Variants in METTL9 observed in about 807,000 individuals in gnomAD.
The protein encoded by METTL9 is protein-L-histidine N-pros-methyltransferase.
Under a neutral mutation model 36.0 loss-of-function variants are expected in METTL9, and 10 were observed. The ratio of observed to expected loss-of-function variants is 0.28; its 90% CI spans 0.17 to 0.47. The LOEUF is 0.47. Among genes scored for constraint, METTL9 ranks in the 20% least tolerant of loss-of-function variants. The pLI, the probability that METTL9 is intolerant of heterozygous loss-of-function variation, is 0.99. For missense variants in METTL9, 246 were observed against 383.5 expected, an observed-to-expected ratio of 0.64 and a Z score of 3.00; for synonymous variants, 175 against 149.7, an observed-to-expected ratio of 1.17 and a Z score of -1.23.
At chr16:21,642,386 G>A (rs897676116) in intron 4 of METTL9, 13 of 152,228 alleles carry the variant, frequency 8.5e-5, no homozygotes, top group African/African-American at 3.1e-4. Flanking sequence ...AATTTGTGAA[G>A]CATTCCATAA....
intron 4 of METTL9, chr16:21,644,484 T>A (rs1424242081): frequency 1.1e-6 from 1 of 917,340 alleles, no homozygotes; most frequent in Non-Finnish European, 1.7e-6. Flanking sequence ...CACTGCGTTT[T>A]AGAGGTGAAA....
At chr16:21,623,605 C>T (rs1303365795) in intron 3 of METTL9, among the ~76,000 whole-genome samples, 1 of 152,078 alleles carries the variant, frequency 6.6e-6, no homozygotes, top group African/African-American at 2.4e-5. Context: ...ATAAAAACTC[C>T]CCCTTTCTAG....
intron 4 of METTL9, among the ~76,000 whole-genome samples, chr16:21,631,627 G>A (rs1053958156): frequency 6.6e-6 from 1 of 152,152 alleles, no homozygotes. Context: ...TGTCCTGAAG[G>A]GAGTTCCTCC....
intron 4 of METTL9, among the ~76,000 whole-genome samples, chr16:21,632,137 C>A (rs1421610192): frequency 6.6e-6 from 1 of 152,182 alleles, no homozygotes; most frequent in Admixed American, 6.5e-5. Context: ...TGGGTTTTTG[C>A]ACTGCATGCA....
At chr16:21,650,823 A>T (rs1966554415) in intron 4 of METTL9, among the ~76,000 whole-genome samples, 1 of 152,208 alleles carries the variant, frequency 6.6e-6, no homozygotes, top group South Asian at 2.1e-4. Flanking sequence ...TTCTTTTAAG[A>T]ATCCTCATAT....
At position 21,652,578 on chromosome 16, in the gene METTL9, G is replaced by T. The variant is rs1208595858; in HGVS notation, c.752-2649G>T. On this transcript the variant is annotated intron_variant, in intron 4 of 4. Coordinates refer to ENST00000358154, the MANE Select transcript of METTL9 (RefSeq NM_016025.5). ...TGGTTTGCAGATGGCGAGCGATGTT[G>T]CTTCTGCTCGCAGTCCCCATTTCTG... is the stretch of plus-strand genomic sequence containing the variant. 1 of 1,610,566 alleles carries T rather than the reference G, an allele frequency of 6.2e-7. No homozygotes were observed. The highest frequency in any genetic ancestry group is 8.5e-7 in the Non-Finnish European group (1 of 1,178,352).
chr16:21,637,313 C>T (rs1042974881), intron 4 of METTL9, among the ~76,000 whole-genome samples: 2 of 152,050 alleles, frequency 1.3e-5, no homozygotes, highest in African/African-American at 2.4e-5. Flanking sequence ...CTGATTGGTG[C>T]GTTTAGAATC....
At chr16:21,634,088 T>G (rs1010943046) in intron 4 of METTL9, among the ~76,000 whole-genome samples, 21 of 152,162 alleles carry the variant, frequency 1.4e-4, no homozygotes, top group Non-Finnish European at 2.9e-5. Flanking sequence ...GAGCAAAGTT[T>G]CCAATTACAA....
intron 4 of METTL9, among the ~76,000 whole-genome samples, chr16:21,639,075 ACAAAATAAGAAACTCTTCC>A (rs1297758722): frequency 1.3e-5 from 2 of 152,224 alleles, no homozygotes; most frequent in South Asian, 4.1e-4. Context: ...TGTAGCTTTA[ACAAAATAAGAAACTCTTCC>A]CAAATAAAAC....
At chr16:21,613,541 C>T (rs971176164) in intron 2 of METTL9, among the ~76,000 whole-genome samples, 1 of 152,060 alleles carries the variant, frequency 6.6e-6, no homozygotes, top group South Asian at 2.1e-4. Context: ...TGGTTCTGGA[C>T]CACAAAGTAG....
chr16:21,600,132 G>C (rs1234698430), intron 1 of METTL9, among the ~76,000 whole-genome samples: 8 of 152,128 alleles, frequency 5.3e-5, no homozygotes, highest in Non-Finnish European at 1.0e-4. Flanking sequence ...GGCGGGGCAT[G>C]GCCTCCCGGG....
chr16:21,651,461 C>T (rs1350839161), intron 4 of METTL9, among the ~76,000 whole-genome samples: 1 of 151,852 alleles, frequency 6.6e-6, no homozygotes, highest in Non-Finnish European at 1.5e-5. Flanking sequence ...GCCATCACGC[C>T]CAGCTATTTT....
intron 4 of METTL9, among the ~76,000 whole-genome samples, chr16:21,648,462 G>A (rs1195985617): frequency 1.3e-5 from 2 of 152,210 alleles, no homozygotes; most frequent in Non-Finnish European, 2.9e-5. Flanking sequence ...CACTGCTACT[G>A]TTCCCACAGT....
chr16:21,650,469 C>T (rs577585986), intron 4 of METTL9, among the ~76,000 whole-genome samples: 95 of 143,614 alleles, frequency 6.6e-4, no homozygotes, highest in African/African-American at 2.1e-3. Context: ...GATTGTGCCA[C>T]TGCACTCTAG....
rs568303948 is a variant in METTL9 at position 21,656,249 on chromosome 16, A to C, written c.*817A>C. The C allele has an allele frequency of 7.2e-6, 1 of 138,850 alleles. No homozygotes were observed. The highest frequency in any genetic ancestry group is 2.2e-4 in the South Asian group (1 of 4,574). The allele number at this position is 138,850 out of a possible 1,614,324, so 8.6% of individuals were successfully genotyped here. A position where few individuals can be genotyped will look rare whatever the true frequency, so the allele number is the denominator to read the frequency against. ...CCTGGTTCTGACTTTGTGATCACTC[A>C]TGTCCCATACACTGAACTTTGTTTT... On this transcript the variant is annotated 3_prime_UTR_variant, in exon 5 of 5. Coordinates refer to ENST00000358154, the MANE Select transcript of METTL9 (RefSeq NM_016025.5).
At chr16:21,627,202 G>T (rs1313873090) in intron 4 of METTL9, 2 of 985,280 alleles carry the variant, frequency 2.0e-6, no homozygotes, top group Non-Finnish European at 2.4e-6. Context: ...AAACCATGAG[G>T]ACTGGGAGAT....
intron 1 of METTL9, among the ~76,000 whole-genome samples, chr16:21,603,710 C>T (rs1022035427): frequency 6.6e-6 from 1 of 152,150 alleles, no homozygotes; most frequent in African/African-American, 2.4e-5. Context: ...GGTTCAGTAG[C>T]TTCTCAATTG....
intron 4 of METTL9, among the ~76,000 whole-genome samples, chr16:21,629,094 A>C (rs965627273): frequency 6.6e-6 from 1 of 151,856 alleles, no homozygotes; most frequent in Non-Finnish European, 1.5e-5. Context: ...GGGTTTCGCT[A>C]TGTTGGCCAG....
intron 4 of METTL9, chr16:21,643,651 G>A (rs1238524039): frequency 1.3e-5 from 15 of 1,197,088 alleles, no homozygotes; most frequent in Non-Finnish European, 1.8e-5. Context: ...TCATAACAAT[G>A]GTGGCAGATA....
Sources: gnomAD v4.1 joint callset for allele counts (sites outside exome capture counted in the v4.1 genomes callset) on GRCh38, gnomAD v4.1.1 for gene constraint, MANE v1.5 for transcripts, NCBI Gene and HGNC (gene_info 2026-07-23, HGNC 2026-07-21) for gene names.